Variants in PAQR5 observed in about 807,000 individuals in gnomAD.
PAQR5 encodes the protein membrane progestin receptor gamma.
In PAQR5, 20 loss-of-function variants were observed where a neutral mutation model predicts 34.5. The ratio of observed to expected loss-of-function variants is 0.58; its 90% CI spans 0.41 to 0.84. The LOEUF (loss-of-function observed/expected upper bound fraction) is 0.84. PAQR5 is among the 40% of genes least tolerant of loss of function. The pLI, the probability that PAQR5 is intolerant of heterozygous loss-of-function variation, is 0.00. For missense variants in PAQR5, 378 were observed against 412.7 expected, an observed-to-expected ratio of 0.92 and a Z score of 0.73; for synonymous variants, 131 against 155.6, an observed-to-expected ratio of 0.84 and a Z score of 1.18.
intron 1 of PAQR5, among the ~76,000 whole-genome samples, chr15:69,322,166 A>AT (rs913982350): frequency 7.1e-6 from 1 of 140,212 alleles, no homozygotes; most frequent in African/African-American, 2.9e-5. Context: ...TTTCTAAAAA[A>AT]AAAAAAAAAA....
chr15:69,324,357 G>T (rs1011836240), intron 1 of PAQR5, among the ~76,000 whole-genome samples: 13 of 152,156 alleles, frequency 8.5e-5, no homozygotes, highest in African/African-American at 2.9e-4. Flanking sequence ...GCAGACCTGA[G>T]ACAGCTTAAA....
chr15:69,333,548 T>A (rs2054440052), intron 1 of PAQR5, among the ~76,000 whole-genome samples: 1 of 152,198 alleles, frequency 6.6e-6, no homozygotes, highest in African/African-American at 2.4e-5. Context: ...ATGAGACTCC[T>A]GTGAGAGATG....
chr15:69,341,644 A>G (rs1250398864), intron 2 of PAQR5, among the ~76,000 whole-genome samples: 1 of 152,094 alleles, frequency 6.6e-6, no homozygotes, highest in East Asian at 1.9e-4. Context: ...TAATGCTGCT[A>G]TGAAAATTGG....
Position 69,380,029 on chromosome 15 carries a change from G to A in PAQR5, c.179+19G>A, listed in dbSNP as rs373488286. 7.4e-6 allele frequency: 12 copies of A among 1,613,064 alleles called. No homozygotes were observed. The highest frequency in any genetic ancestry group is 2.2e-5 in the East Asian group (1 of 44,882). On this transcript the variant is annotated intron_variant, in intron 4 of 8. Transcript: ENST00000395407. ...CCTTCTGGTACCTTCTGGCCCCCTCGACCGGCCTGTCTCCTTCAGGAGCCC... is the reference window on the plus strand; with the variant it reads ...CCTTCTGGTACCTTCTGGCCCCCTCAACCGGCCTGTCTCCTTCAGGAGCCC...
rs67697746 is a variant in PAQR5, at chr15:69,325,585, CTGAATGAATGAATGAA to C, written c.-276-11728_-276-11713del. ...ATAGTAGGTATTCAGGAAATGTGTG[CTGAATGAATGAATGAA>C]TGAATGAATGAATGAATGAATGAAT... On this transcript the variant is annotated intron_variant, in intron 1 of 8. Transcript: ENST00000395407. Among the ~76,000 whole-genome samples, 529 of 150,378 alleles carry C rather than the reference CTGAATGAATGAATGAA, an allele frequency of 3.5e-3. 2 individuals are homozygous for C. The highest frequency in any genetic ancestry group is 0.01 in the African/African-American group (410 of 40,770).
intron 5 of PAQR5, among the ~76,000 whole-genome samples, chr15:69,388,521 CCA>C (rs1490492000): frequency 6.6e-6 from 1 of 152,214 alleles, no homozygotes; most frequent in Non-Finnish European, 1.5e-5. Flanking sequence ...CTTGCATGGC[CCA>C]CAGTTTGCCC....
chr15:69,354,276 C>T (rs573666182), intron 2 of PAQR5, among the ~76,000 whole-genome samples: 1 of 152,228 alleles, frequency 6.6e-6, no homozygotes, highest in Admixed American at 6.5e-5. Context: ...GTTACAGAAC[C>T]AAGGACTGTA....
Position 69,365,321 on chromosome 15 carries a change from T to G in PAQR5, c.51+5190T>G, listed in dbSNP as rs1449503973. On this transcript the variant is annotated intron_variant, in intron 3 of 8. Coordinates refer to ENST00000395407, the MANE Select transcript of PAQR5 (RefSeq NM_017705.4). ...TGGGGTTTCATCATGTTGGCCAGGC[T>G]GGTCTCAAACTCCTGACCTCAGGTG... 3.3e-5 allele frequency among the ~76,000 whole-genome samples: 5 copies of G among 151,422 alleles called. No individual in the cohort carries two copies. The South Asian group carries it at 1.0e-3, about 32-fold the overall frequency.
intron 1 of PAQR5, among the ~76,000 whole-genome samples, chr15:69,325,453 G>A (rs1017939428): frequency 8.6e-5 from 8 of 93,372 alleles, no homozygotes; most frequent in East Asian, 3.0e-4. Flanking sequence ...GATGTGCCGC[G>A]TGGCAATTGT....
intron 5 of PAQR5, among the ~76,000 whole-genome samples, chr15:69,389,425 A>C (rs941953237): frequency 6.6e-6 from 1 of 152,236 alleles, no homozygotes; most frequent in Non-Finnish European, 1.5e-5. Context: ...TCATACATGT[A>C]AAGCCCTTGG....
chr15:69,313,646 G>A (rs1178286295), intron 1 of PAQR5, among the ~76,000 whole-genome samples: 1 of 151,956 alleles, frequency 6.6e-6, no homozygotes, highest in Non-Finnish European at 1.5e-5. Flanking sequence ...GGAAGGAAGA[G>A]AAAAGGAAGT....
intron 3 of PAQR5, among the ~76,000 whole-genome samples, chr15:69,366,870 A>C (rs2055416875): frequency 6.6e-6 from 1 of 152,022 alleles, no homozygotes. Flanking sequence ...TTTTAGGTAT[A>C]TCCAAGTTTA....
intron 2 of PAQR5, among the ~76,000 whole-genome samples, chr15:69,342,324 G>C (rs1286144705): frequency 2.7e-5 from 4 of 149,464 alleles, no homozygotes; most frequent in African/African-American, 4.9e-5. Flanking sequence ...TTTTATATTG[G>C]TTGTTTGTAT....
chr15:69,339,898 C>T (rs1191926523), intron 2 of PAQR5, among the ~76,000 whole-genome samples: 4 of 152,004 alleles, frequency 2.6e-5, no homozygotes, highest in Admixed American at 2.6e-4. Flanking sequence ...CGGAGTTTTG[C>T]TCTTGTTGCC....
intron 1 of PAQR5, among the ~76,000 whole-genome samples, chr15:69,309,006 G>GCCAA (rs1236974024): frequency 6.6e-6 from 1 of 152,210 alleles, no homozygotes; most frequent in Non-Finnish European, 1.5e-5. Flanking sequence ...CCAACTAGAA[G>GCCAA]CTGGTGAATT....
chr15:69,386,362 C>T (rs935552933), intron 5 of PAQR5, among the ~76,000 whole-genome samples: 3 of 152,104 alleles, frequency 2.0e-5, no homozygotes, highest in African/African-American at 4.8e-5. Context: ...CTCCTTAGTG[C>T]TCTGCTGCCC....
At chr15:69,329,026 C>T (rs557851223) in intron 1 of PAQR5, among the ~76,000 whole-genome samples, 1 of 152,362 alleles carries the variant, frequency 6.6e-6, no homozygotes, top group South Asian at 2.1e-4. Flanking sequence ...TGGAGCCACG[C>T]CAACAAATCC....
intron 5 of PAQR5, 111 bp downstream of exon 5, chr15:69,384,993 G>A: frequency 1.3e-6 from 1 of 754,404 alleles, no homozygotes; most frequent in Non-Finnish European, 2.2e-6. Context: ...AAGAATCCAG[G>A]GATTATGCCA....
At chr15:69,397,606 C>A in intron 7 of PAQR5, 42 bp downstream of exon 7, 1 of 1,280,168 alleles carries the variant, frequency 7.8e-7, no homozygotes, top group Non-Finnish European at 1.1e-6. Context: ...TTGGCAACAC[C>A]AGGAAGTCAG....
Sources: allele counts gnomAD v4.1 joint callset (sites outside exome capture counted in the v4.1 genomes callset), GRCh38; gene constraint gnomAD v4.1.1; transcripts MANE v1.5; gene names NCBI Gene and HGNC (gene_info 2026-07-23, HGNC 2026-07-21).